The following MTMR12 variants were observed in gnomAD, a reference collection of about 807,000 sequenced individuals.
The protein encoded by MTMR12 is myotubularin related protein 12.
Under a neutral mutation model 96.7 loss-of-function variants are expected in MTMR12, and 33 were observed. The observed-to-expected ratio is 0.34, with a 90% CI of 0.26 to 0.46. The LOEUF is 0.46. MTMR12 is among the 20% of genes least tolerant of loss of function. The probability of loss-of-function intolerance (pLI) is 1.00; values close to 1 mark genes in which losing one functional copy is unlikely to be tolerated. For missense variants in MTMR12, 721 were observed against 896.1 expected (o/e 0.80, Z 2.49); for synonymous variants, 298 against 327.2 (o/e 0.91, Z 0.96).
chr5:32,275,963 G>A (rs1561785571), intron 2 of MTMR12, among the ~76,000 whole-genome samples: 1 of 152,164 alleles, frequency 6.6e-6, no homozygotes, highest in Non-Finnish European at 1.5e-5. Flanking sequence ...AGCCTGTATT[G>A]TTTTGGGGAA....
intron 9 of MTMR12, 115 bp from the exon 10 acceptor site, chr5:32,248,241 T>TC: frequency 8.3e-7 from 1 of 1,198,640 alleles, no homozygotes; most frequent in Non-Finnish European, 1.2e-6. Flanking sequence ...CATTTAATCT[T>TC]CACCTACCAG....
intron 8 of MTMR12, among the ~76,000 whole-genome samples, chr5:32,249,291 C>A (rs1458259197): frequency 6.6e-6 from 1 of 152,112 alleles, no homozygotes; most frequent in Non-Finnish European, 1.5e-5. Context: ...CCCTTAACAG[C>A]AAGAAACTGA....
At chr5:32,267,270 G>T (rs1299694789) in intron 6 of MTMR12, among the ~76,000 whole-genome samples, 2 of 151,646 alleles carry the variant, frequency 1.3e-5, no homozygotes, top group African/African-American at 4.9e-5. Context: ...CAGCTCCTCG[G>T]GAGGCTAAGG....
intron 3 of MTMR12, among the ~76,000 whole-genome samples, chr5:32,273,154 C>T (rs1300987927): frequency 6.6e-6 from 1 of 152,282 alleles, no homozygotes; most frequent in East Asian, 1.9e-4. Context: ...AATCCCAGCA[C>T]TTTGAGAGGC....
chr5:32,234,268 G>A (rs1292701329), intron 14 of MTMR12, among the ~76,000 whole-genome samples: 1 of 152,178 alleles, frequency 6.6e-6, no homozygotes, highest in Non-Finnish European at 1.5e-5. Flanking sequence ...CACAAAGCTG[G>A]TGAGTCACAA....
rs550728192 is a variant in MTMR12, at chr5:32,304,895, A to C, written c.81+7863T>G. On this transcript the variant is annotated intron_variant, in intron 1 of 15. Coordinates refer to ENST00000382142, the MANE Select transcript of MTMR12 (RefSeq NM_001040446.3). ...CAGGAAGCACGGGCAGGAGAGAAAA[A>C]GCAGAAGCTTTGGACAGATCATCGG... Among the ~76,000 whole-genome samples, 4 of 152,292 alleles carry C rather than the reference A, an allele frequency of 2.6e-5. No homozygotes were observed. The South Asian group carries it at 6.2e-4, about 24-fold the overall frequency.
chr5:32,273,636 T>C (rs1749930166), intron 3 of MTMR12, among the ~76,000 whole-genome samples: 1 of 152,092 alleles, frequency 6.6e-6, no homozygotes, highest in Admixed American at 6.6e-5. Context: ...GGTGAGAAAT[T>C]TCTTAACGGT....
chr5:32,303,246 C>T (rs1013501452), intron 1 of MTMR12, among the ~76,000 whole-genome samples: 2 of 152,100 alleles, frequency 1.3e-5, no homozygotes, highest in Non-Finnish European at 2.9e-5. Context: ...TTCCCATTTT[C>T]GAGGTAGAAA....
rs71598927 is a variant in MTMR12, at chr5:32,233,455, A to AACACAC, written c.1674+312_1674+317dup. ...CAATCAATGTTCCTTTTACTCTACTAACACACACACACACACAAACACACA... is the reference window on the plus strand; with the variant it reads ...CAATCAATGTTCCTTTTACTCTACTAACACACACACACACACACACACAAACACACA... On this transcript the variant is annotated intron_variant, in intron 15 of 15. Transcript: ENST00000382142. The surrounding 1 kb of genome is among the most constrained non-coding windows in gnomAD (Gnocchi z 5.0). Among the ~76,000 whole-genome samples the AACACAC allele has an allele frequency of 1.4e-5, 2 of 147,858 alleles. No individual in the cohort carries two copies. The highest frequency in any genetic ancestry group is 3.0e-5 in the Non-Finnish European group (2 of 67,240).
intron 1 of MTMR12, among the ~76,000 whole-genome samples, chr5:32,304,383 A>T (rs1261946225): frequency 6.6e-6 from 1 of 152,188 alleles, no homozygotes; most frequent in Non-Finnish European, 1.5e-5. Context: ...AACAAAACAC[A>T]GACATACTTA....
In MTMR12 at chr5:32,264,546, T is replaced by A. The variant is rs185129069; in HGVS notation, c.584-1304A>T. ...CGTGATCTCAGCTCACTGCAACCTCTGCCTCCCAGGTTCAAGCGATTCTCC... is the reference window on the plus strand; with the variant it reads ...CGTGATCTCAGCTCACTGCAACCTCAGCCTCCCAGGTTCAAGCGATTCTCC... On this transcript the variant is annotated intron_variant, in intron 6 of 15. Transcript: ENST00000382142. Among the ~76,000 whole-genome samples, 447 of 152,126 alleles carry A rather than the reference T, an allele frequency of 2.9e-3. 3 individuals are homozygous for A. The highest frequency in any genetic ancestry group is 0.01 in the African/African-American group (434 of 41,516).
At chr5:32,265,060 C>T (rs1054161254) in intron 6 of MTMR12, among the ~76,000 whole-genome samples, 1 of 152,094 alleles carries the variant, frequency 6.6e-6, no homozygotes, top group Non-Finnish European at 1.5e-5. Flanking sequence ...CAAGGAAGTC[C>T]TTCCCTAAAA....
chr5:32,236,798 T>C (rs1183684860), intron 13 of MTMR12, among the ~76,000 whole-genome samples: 1 of 148,690 alleles, frequency 6.7e-6, no homozygotes. Context: ...GATTGTGCCA[T>C]TGCACTCCAG....
chr5:32,310,757 T>C (rs1203726647), intron 1 of MTMR12, among the ~76,000 whole-genome samples: 1 of 152,120 alleles, frequency 6.6e-6, no homozygotes, highest in African/African-American at 2.4e-5. Context: ...ACAATAATTG[T>C]ATATTTTATA....
intron 1 of MTMR12, among the ~76,000 whole-genome samples, chr5:32,298,321 G>A (rs1751002430): frequency 6.6e-6 from 1 of 152,224 alleles, no homozygotes; most frequent in Admixed American, 6.5e-5. Flanking sequence ...GCTGTGATTG[G>A]TTGGGCATAT....
intron 6 of MTMR12, among the ~76,000 whole-genome samples, chr5:32,266,533 C>T (rs1042809249): frequency 2.6e-4 from 40 of 151,678 alleles, no homozygotes; most frequent in Admixed American, 6.6e-5. Flanking sequence ...ACCAAAAATA[C>T]AAAAATTAGC....
intron 1 of MTMR12, among the ~76,000 whole-genome samples, chr5:32,300,985 G>C (rs1751118098): frequency 6.6e-6 from 1 of 152,182 alleles, no homozygotes; most frequent in Non-Finnish European, 1.5e-5. Context: ...TGAGGCAGGA[G>C]AATCGCTTGA....
chr5:32,245,516 C>T (rs74809717), intron 10 of MTMR12, among the ~76,000 whole-genome samples: 6,085 of 152,072 alleles, frequency 0.04, 402 homozygotes, highest in African/African-American at 0.14. Context: ...TCTACAAAAG[C>T]GTTGGCCAAC....
intron 2 of MTMR12, 137 bp downstream of exon 2, chr5:32,276,545 A>G: frequency 2.9e-6 from 2 of 696,620 alleles, no homozygotes; most frequent in South Asian, 3.9e-5. Flanking sequence ...ACAAACCTTG[A>G]TATGTTTTTT....
Sources: allele counts gnomAD v4.1 joint callset (sites outside exome capture counted in the v4.1 genomes callset), GRCh38; gene constraint gnomAD v4.1.1; non-coding constraint Gnocchi (gnomAD v3.1); transcripts MANE v1.5; gene names NCBI Gene and HGNC (gene_info 2026-07-23, HGNC 2026-07-21).